The following NCL variants were observed in gnomAD, a reference collection of about 807,000 sequenced individuals.
NCL encodes nucleolin multifunctional protein.
NCL carries 4 observed loss-of-function variants against 77.7 expected under a neutral mutation model. The ratio of observed to expected loss-of-function variants is 0.05; its 90% CI spans 0.03 to 0.12. The LOEUF (loss-of-function observed/expected upper bound fraction) is 0.12, where lower values mean the gene tolerates loss of function less well. Among genes scored for constraint, NCL ranks in the 10% least tolerant of loss-of-function variants. The pLI is 1.00. For missense variants in NCL, 763 were observed against 860.9 expected, an observed-to-expected ratio of 0.89 and a Z score of 1.42; for synonymous variants, 344 against 297.8, an observed-to-expected ratio of 1.16 and a Z score of -1.60.
rs1338341505 is a variant in NCL, at chr2:231,464,362, C to T, written c.-9G>A. ...TTCGCGAGCTTCACCATGATGGCGG[C>T]GGAGTGTGAAGCGGACAAGTGGCGC... On this transcript the variant is annotated 5_prime_UTR_variant, in exon 1 of 14. Coordinates refer to ENST00000322723, the MANE Select transcript of NCL (RefSeq NM_005381.3). 6.2e-7 allele frequency: 1 copy of T among 1,601,424 alleles called. No individual in the cohort carries two copies. The highest frequency in any genetic ancestry group is 8.5e-7 in the Non-Finnish European group (1 of 1,173,788).
At chr2:231,458,427 A>T in intron 7 of NCL, 38 bp from the exon 8 acceptor site, 1 of 1,603,436 alleles carries the variant, frequency 6.2e-7, no homozygotes, top group Non-Finnish European at 8.5e-7. Context: ...TGTGGCCTGA[A>T]AAACCAAAGG....
chr2:231,455,326 T>G (rs1287093102), intron 13 of NCL, 59 bp from the exon 14 acceptor site: 5 of 1,613,222 alleles, frequency 3.1e-6, no homozygotes, highest in Non-Finnish European at 4.2e-6. Flanking sequence ...TCCTCCCCAG[T>G]GATTAGGAAC....
intron 3 of NCL, among the ~76,000 whole-genome samples, chr2:231,461,173 G>C (rs999044014): frequency 6.6e-6 from 1 of 151,926 alleles, no homozygotes; most frequent in Admixed American, 6.6e-5. Flanking sequence ...CAGCTACTCG[G>C]GAGGCTGAGG....
chr2:231,462,824 T>C (rs545108506), intron 2 of NCL, among the ~76,000 whole-genome samples: 1 of 152,332 alleles, frequency 6.6e-6, no homozygotes, highest in African/African-American at 2.4e-5. Context: ...TGGAGACCAA[T>C]TAATTTTAAT....
chr2:231,455,827 C>A (rs757364315), intron 12 of NCL, 183 bp downstream of exon 12: 2 of 1,203,968 alleles, frequency 1.7e-6, no homozygotes, highest in African/African-American at 3.0e-5. Context: ...GCTAAATATA[C>A]CTCTGTAAAG....
In NCL at chr2:231,455,125, C is replaced by T. The variant is rs1189798719; in HGVS notation, c.*66G>A. 1.9e-6 allele frequency: 3 copies of T among 1,551,996 alleles called. No individual in the cohort carries two copies. In the African/African-American group the frequency reaches 4.1e-5, roughly 21 times the overall value. On this transcript the variant is annotated 3_prime_UTR_variant, in exon 14 of 14. Transcript: ENST00000322723. ...GTCCTCAGAAGGCTCTGTCATTGAT[C>T]AGGTAACAGTAAAAACCCCAGAGTC...
intron 6 of NCL, 82 bp downstream of exon 6, chr2:231,460,070 G>A (rs2046931674): frequency 5.7e-6 from 8 of 1,411,154 alleles, no homozygotes; most frequent in East Asian, 2.3e-5. Context: ...TTTAACAGTA[G>A]CAGGCTAAAG....
chr2:231,463,675 A>G, intron 1 of NCL: 1 of 218,280 alleles, frequency 4.6e-6, no homozygotes, highest in South Asian at 7.2e-5. Context: ...GGTGAAGATC[A>G]TTAAGGCACT....
chr2:231,457,179 G>T (rs1258838376), intron 9 of NCL, 55 bp from the exon 10 acceptor site: 2 of 1,606,370 alleles, frequency 1.2e-6, no homozygotes, highest in Admixed American at 1.7e-5. Flanking sequence ...TCCCAGCTTC[G>T]GTCACAACAG....
intron 12 of NCL, 49 bp downstream of exon 12, chr2:231,455,961 A>C (rs572406712): frequency 1.2e-6 from 2 of 1,613,836 alleles, no homozygotes; most frequent in Non-Finnish European, 1.7e-6. Flanking sequence ...GTCTGCACAG[A>C]ACAAAAACCC....
chr2:231,463,221 T>A lies in NCL; in HGVS notation c.114A>T (p.Glu38Asp), dbSNP rs970874588. The A allele has an allele frequency of 1.2e-6, 2 of 1,609,874 alleles. No homozygotes were observed. Among genetic ancestry groups the A allele is most frequent in the Admixed American group, 1.7e-5 (1 of 59,022 alleles). Residue 38 changes from glutamate to aspartate, a missense_variant, in exon 2 of 14, where the codon GAA (glutamate) becomes GAT (aspartate). Physicochemically the swap from Glu to Asp is conservative, Grantham distance 45 (BLOSUM62 2). Coordinates refer to ENST00000322723, the MANE Select transcript of NCL (RefSeq NM_005381.3). Reference protein sequence around the residue: ...SEDEEMSEDEEDDSSGEEVVI... With the variant: ...SEDEEMSEDEDDDSSGEEVVI... ...TTACCTCTTCTCCACTGCTATCATCTTCTTCATCTTCTGACATTTCCTCAT... is the reference window on the plus strand; with the variant it reads ...TTACCTCTTCTCCACTGCTATCATCATCTTCATCTTCTGACATTTCCTCAT...
chr2:231,458,212 A>AGT (rs1559540985), intron 8 of NCL, 54 bp downstream of exon 8: 1 of 1,580,486 alleles, frequency 6.3e-7, no homozygotes, highest in Non-Finnish European at 8.6e-7. Flanking sequence ...TTTATAAAGC[A>AGT]GGAAAGTGCA....
chr2:231,457,240 C>T, intron 9 of NCL, 116 bp from the exon 10 acceptor site: 1 of 1,409,192 alleles, frequency 7.1e-7, no homozygotes, highest in South Asian at 1.2e-5. Context: ...TACAAATACT[C>T]ATGACGTAAG....
intron 12 of NCL, 100 bp from the exon 13 acceptor site, chr2:231,455,724 T>C: frequency 7.1e-7 from 1 of 1,399,070 alleles, no homozygotes; most frequent in Non-Finnish European, 1.0e-6. Context: ...AAAGTAGCCT[T>C]GTTTATTTGG....
chr2:231,463,001 G>T, intron 2 of NCL, 199 bp downstream of exon 2: 1 of 549,068 alleles, frequency 1.8e-6, no homozygotes, highest in Non-Finnish European at 3.2e-6. Context: ...GAAATTCCCA[G>T]ATCTCGTCTT....
Position 231,457,546 on chromosome 2 carries a change from CTT to C in NCL, c.1447+95_1447+96del, listed in dbSNP as rs2046903148. On this transcript the variant is annotated intron_variant, in intron 9 of 13. Coordinates refer to ENST00000322723, the MANE Select transcript of NCL (RefSeq NM_005381.3). ...TTGATCTTCACCTACATTTGAGTAA[CTT>C]TGATTAAAAAGTATTTATAAACTTA... 57 of 1,257,150 alleles carry C rather than the reference CTT, an allele frequency of 4.5e-5. No individual in the cohort carries two copies. In the South Asian group the frequency reaches 7.2e-4, roughly 16 times the overall value. 77.9% of individuals were successfully genotyped at this position (1,257,150 alleles called of 1,614,324 possible).
chr2:231,461,562 A>G lies in NCL; in HGVS notation c.591T>C (p.Asp197=), dbSNP rs1559542490. Residue 197 remains aspartate (D), a synonymous_variant, in exon 3 of 14, where the codon GAT becomes GAC. Transcript: ENST00000322723. ...TACCATCTTCCTCATCGTCATCGTC[A>G]TCCTCATCATCTTCGTCATCCTCAT... ...EDDEDDEDDE[D]DDDDEEDDSE... is the part of the protein sequence containing the mutation. 1.2e-6 allele frequency: 2 copies of G among 1,613,456 alleles called. No individual in the cohort carries two copies. Among genetic ancestry groups the G allele is most frequent in the African/African-American group, 2.7e-5 (2 of 74,894 alleles).
At chr2:231,460,381 A>G (rs779691556) in intron 5 of NCL, 88 bp from the exon 6 acceptor site, 1 of 1,593,652 alleles carries the variant, frequency 6.3e-7, no homozygotes, top group Non-Finnish European at 8.6e-7. Flanking sequence ...GCACATCAGC[A>G]CACTACAATG....
chr2:231,457,447 AATG>A lies in NCL; in HGVS notation c.1447+193_1447+195del, dbSNP rs569853994. 509 of 767,434 alleles carry A rather than the reference AATG, an allele frequency of 6.6e-4. 4 individuals carry two copies. Among genetic ancestry groups the A allele is most frequent in the African/African-American group, 4.7e-3 (265 of 55,932 alleles). 47.5% of individuals were successfully genotyped at this position (767,434 alleles called of 1,614,324 possible). A position where few individuals can be genotyped will look rare whatever the true frequency, so the allele number is the denominator to read the frequency against. On this transcript the variant is annotated intron_variant, in intron 9 of 13. Coordinates refer to ENST00000322723, the MANE Select transcript of NCL (RefSeq NM_005381.3). Reference sequence around the variant, plus strand: ...ATTTGCCTACTGTATTCCAATGCAAAATGATTTTAGAGCTCTCATTCAAGATTG... The same window carrying A: ...ATTTGCCTACTGTATTCCAATGCAAAATTTTAGAGCTCTCATTCAAGATTG...
Sources: allele counts gnomAD v4.1 joint callset (sites outside exome capture counted in the v4.1 genomes callset), GRCh38; gene constraint gnomAD v4.1.1; transcripts MANE v1.5; gene names NCBI Gene and HGNC (gene_info 2026-07-23, HGNC 2026-07-21).